The following FGD6 variants were observed in gnomAD, a reference collection of about 807,000 sequenced individuals.
FGD6 encodes the protein FYVE, RhoGEF and PH domain-containing protein 6.
FGD6 carries 90 observed loss-of-function variants against 149.4 expected under a neutral mutation model. The ratio of observed to expected loss-of-function variants is 0.60; its 90% CI spans 0.51 to 0.72. The LOEUF (loss-of-function observed/expected upper bound fraction) is 0.72. Among genes scored for constraint, FGD6 ranks in the 30% least tolerant of loss-of-function variants. FGD6 has a pLI of 0.00. For synonymous variants in FGD6, 527 were observed against 584.0 expected, an observed-to-expected ratio of 0.90 and a Z score of 1.41; for missense variants, 1,437 against 1,684.8, an observed-to-expected ratio of 0.85 and a Z score of 2.57.
intron 3 of FGD6, among the ~76,000 whole-genome samples, chr12:95,165,923 A>G (rs1374622256): frequency 6.7e-6 from 1 of 150,146 alleles, no homozygotes; most frequent in Non-Finnish European, 1.5e-5. Context: ...CTGAGATTAC[A>G]GGTGTGAGCC....
intron 8 of FGD6, among the ~76,000 whole-genome samples, chr12:95,125,165 CA>C (rs558950459): frequency 1.3e-5 from 2 of 151,974 alleles, no homozygotes; most frequent in African/African-American, 4.8e-5. Flanking sequence ...AATCTAGGCA[CA>C]AAAAAATTTA....
chr12:95,122,156 A>G (rs1313429698), intron 8 of FGD6, among the ~76,000 whole-genome samples: 1 of 152,174 alleles, frequency 6.6e-6, no homozygotes, highest in Non-Finnish European at 1.5e-5. Context: ...ACACAAAATC[A>G]TTTTGACAAG....
At chr12:95,172,907 C>T (rs975761657) in intron 2 of FGD6, among the ~76,000 whole-genome samples, 163 bp from the exon 3 acceptor site, 3 of 152,184 alleles carry the variant, frequency 2.0e-5, no homozygotes, top group African/African-American at 7.2e-5. Flanking sequence ...TTCCTTCACC[C>T]TGTCTCAGCT....
At chr12:95,093,891 G>A (rs1878151834) in intron 15 of FGD6, among the ~76,000 whole-genome samples, 1 of 151,530 alleles carries the variant, frequency 6.6e-6, no homozygotes. Flanking sequence ...CAGGCACAGT[G>A]GCTCATGCCT....
intron 18 of FGD6, among the ~76,000 whole-genome samples, 177 bp from the exon 19 acceptor site, chr12:95,086,085 AAAG>A (rs1877855205): frequency 6.6e-6 from 1 of 152,198 alleles, no homozygotes; most frequent in South Asian, 2.1e-4. Flanking sequence ...TGAGCACAAA[AAAG>A]AAGACAACCA....
In FGD6 at chr12:95,162,588, G is replaced by A. The variant is rs185299306; in HGVS notation, c.2587-9595C>T. On this transcript the variant is annotated intron_variant, in intron 3 of 20. Coordinates refer to ENST00000343958, the MANE Select transcript of FGD6 (RefSeq NM_018351.4). Reference sequence around the variant, plus strand: ...CCTTCAAGAAGTGAACAATGGAAACGAACTGAACATACAAATAACTACATA... The same window carrying A: ...CCTTCAAGAAGTGAACAATGGAAACAAACTGAACATACAAATAACTACATA... 2.8e-4 allele frequency among the ~76,000 whole-genome samples: 42 copies of A among 152,206 alleles called. No individual in the cohort carries two copies. In the East Asian group the frequency reaches 5.0e-3, roughly 18 times the overall value.
chr12:95,114,124 C>A (rs1878929881), intron 8 of FGD6, among the ~76,000 whole-genome samples: 1 of 152,160 alleles, frequency 6.6e-6, no homozygotes. Flanking sequence ...CTAAAAGTCT[C>A]CTGGATTTGT....
intron 2 of FGD6, among the ~76,000 whole-genome samples, chr12:95,190,892 TA>T (rs1023779915): frequency 6.6e-6 from 1 of 151,850 alleles, no homozygotes; most frequent in South Asian, 2.1e-4. Context: ...CTCTATATTT[TA>T]AAAAAAAGTT....
At chr12:95,185,080 G>C (rs1168386166) in intron 2 of FGD6, among the ~76,000 whole-genome samples, 1 of 151,966 alleles carries the variant, frequency 6.6e-6, no homozygotes, top group African/African-American at 2.4e-5. Context: ...CACCATGTTG[G>C]CCAGGCTGGT....
intron 2 of FGD6, among the ~76,000 whole-genome samples, chr12:95,206,698 GA>G (rs746280054): frequency 0.13 from 14,993 of 114,720 alleles, 911 homozygotes; most frequent in African/African-American, 0.19. Flanking sequence ...TGTCTCCAAA[GA>G]AAAAAAAAAA....
At chr12:95,187,683 C>A (rs1881483670) in intron 2 of FGD6, among the ~76,000 whole-genome samples, 1 of 150,660 alleles carries the variant, frequency 6.6e-6, no homozygotes, top group African/African-American at 2.4e-5. Context: ...AAAGTGACTT[C>A]AGAGAGGAGC....
At chr12:95,141,334 G>A in intron 6 of FGD6, 54 bp downstream of exon 6, 7 of 1,582,658 alleles carry the variant, frequency 4.4e-6, no homozygotes, top group Non-Finnish European at 5.2e-6. Context: ...GGGCCCTTAT[G>A]GCTTCATCTA....
chr12:95,164,471 C>T (rs1472031899), intron 3 of FGD6, among the ~76,000 whole-genome samples: 1 of 152,064 alleles, frequency 6.6e-6, no homozygotes, highest in Non-Finnish European at 1.5e-5. Context: ...GCTCTATCAC[C>T]CAGGCTGGAC....
At chr12:95,142,727 T>G (rs1301602875) in intron 5 of FGD6, among the ~76,000 whole-genome samples, 1 of 152,250 alleles carries the variant, frequency 6.6e-6, no homozygotes, top group Non-Finnish European at 1.5e-5. Flanking sequence ...AAACTTTTTT[T>G]GCAATGCAGT....
intron 18 of FGD6, 112 bp downstream of exon 18, chr12:95,089,457 G>T: frequency 7.5e-7 from 1 of 1,327,612 alleles, no homozygotes; most frequent in Non-Finnish European, 1.0e-6. Context: ...TAAAATTCAT[G>T]ACTTAATAGT....
At chr12:95,205,544 A>AG (rs1225508554) in intron 2 of FGD6, among the ~76,000 whole-genome samples, 1 of 152,206 alleles carries the variant, frequency 6.6e-6, no homozygotes, top group Admixed American at 6.5e-5. Context: ...TTATCATTTT[A>AG]GAACCCCAGT....
At chr12:95,089,780 T>C (rs1474120382) in intron 17 of FGD6, 84 bp from the exon 18 acceptor site, 2 of 1,530,250 alleles carry the variant, frequency 1.3e-6, no homozygotes, top group Non-Finnish European at 1.8e-6. Flanking sequence ...CACTGTTGCA[T>C]AAAATATCCA....
At chr12:95,096,512 C>T (rs1878237309) in intron 14 of FGD6, among the ~76,000 whole-genome samples, 1 of 152,218 alleles carries the variant, frequency 6.6e-6, no homozygotes, top group South Asian at 2.1e-4. Flanking sequence ...GCCTTATTTA[C>T]CGCTACTATT....
intron 14 of FGD6, 108 bp downstream of exon 14, chr12:95,104,899 T>C (rs972779295): frequency 4.1e-5 from 32 of 781,774 alleles, no homozygotes; most frequent in Non-Finnish European, 5.8e-5. Context: ...GGTGACAGAG[T>C]GAGATGCTGT....
Sources: gnomAD v4.1 joint callset for allele counts (sites outside exome capture counted in the v4.1 genomes callset) on GRCh38, gnomAD v4.1.1 for gene constraint, MANE v1.5 for transcripts, NCBI Gene and HGNC (gene_info 2026-07-23, HGNC 2026-07-21) for gene names.